Variants in ME1 observed in about 807,000 individuals in gnomAD.
The protein encoded by ME1 is NADP-dependent malic enzyme.
In ME1, 74 loss-of-function variants were observed where a neutral mutation model predicts 66.4. The ratio of observed to expected loss-of-function variants is 1.11; its 90% CI spans 0.92 to 1.35. The LOEUF (loss-of-function observed/expected upper bound fraction) is 1.35, where lower values mean the gene tolerates loss of function less well. ME1 is among the 40% of genes most tolerant of loss of function. ME1 has a pLI of 0.00. For synonymous variants in ME1, 251 were observed against 235.6 expected (o/e 1.07, Z -0.60); for missense variants, 750 against 694.1 (o/e 1.08, Z -0.90).
intron 3 of ME1, among the ~76,000 whole-genome samples, chr6:83,353,161 A>C (rs1484965566): frequency 1.3e-5 from 2 of 152,168 alleles, no homozygotes; most frequent in African/African-American, 4.8e-5. Context: ...TTTCTTCTGT[A>C]TTCTTGGAAA....
rs922635024 is a variant in ME1 at position 83,216,486 on chromosome 6, G to C, written c.1548+12C>G. 6.5e-7 allele frequency: 1 copy of C among 1,534,052 alleles called. No homozygotes were observed. The highest frequency in any genetic ancestry group is 8.9e-7 in the Non-Finnish European group (1 of 1,118,812). On this transcript the variant is annotated intron_variant, in intron 13 of 13. Transcript: ENST00000369705. ...AGGAAAAATAATGAAGCTTGAACAAGAGTGGTTTTACCTTTTCTGCAATTT... is the reference window on the plus strand; with the variant it reads ...AGGAAAAATAATGAAGCTTGAACAACAGTGGTTTTACCTTTTCTGCAATTT...
intron 3 of ME1, among the ~76,000 whole-genome samples, chr6:83,369,671 CGAAGG>C (rs1769159668): frequency 1.4e-5 from 1 of 72,302 alleles, no homozygotes; most frequent in African/African-American, 8.2e-5. Context: ...AAGGAAGGAA[CGAAGG>C]AAGGAAGGAA....
intron 6 of ME1, among the ~76,000 whole-genome samples, chr6:83,306,553 ACATAAATGTATC>A (rs1350408497): frequency 1.3e-5 from 2 of 152,118 alleles, no homozygotes; most frequent in East Asian, 1.9e-4. Context: ...ACAACCTAAA[ACATAAATGTATC>A]CATATAATTA....
intron 6 of ME1, among the ~76,000 whole-genome samples, chr6:83,283,880 T>C (rs894645947): frequency 2.0e-5 from 3 of 151,990 alleles, no homozygotes; most frequent in African/African-American, 7.2e-5. Context: ...AATAAATAAC[T>C]AAAATCAGAG....
chr6:83,339,856 A>T (rs1768540936), intron 5 of ME1, among the ~76,000 whole-genome samples: 1 of 123,978 alleles, frequency 8.1e-6, no homozygotes, highest in Non-Finnish European at 1.7e-5. Context: ...GCATTGGGAG[A>T]TATACCTAAT....
chr6:83,291,535 C>T (rs185032814), intron 6 of ME1, among the ~76,000 whole-genome samples: 42 of 152,282 alleles, frequency 2.8e-4, no homozygotes, highest in Non-Finnish European at 5.0e-4. Context: ...CAACCTTTCT[C>T]TCTCACTGCC....
chr6:83,285,234 T>C (rs192888563), intron 6 of ME1, among the ~76,000 whole-genome samples: 13 of 152,300 alleles, frequency 8.5e-5, no homozygotes, highest in African/African-American at 3.1e-4. Flanking sequence ...GGATTGGTTT[T>C]TCTCTCTTTT....
chr6:83,393,097 C>G, intron 3 of ME1: 1 of 1,448,978 alleles, frequency 6.9e-7, no homozygotes, highest in Admixed American at 1.8e-5. Flanking sequence ...ACTGGCATGG[C>G]CTTCCGTGTC....
At chr6:83,374,421 G>A (rs375368218) in intron 3 of ME1, among the ~76,000 whole-genome samples, 2 of 152,072 alleles carry the variant, frequency 1.3e-5, no homozygotes, top group Non-Finnish European at 2.9e-5. Flanking sequence ...GTCTGTTCAC[G>A]TCCTTTGCCC....
At chr6:83,262,495 C>T (rs1766917554) in intron 6 of ME1, among the ~76,000 whole-genome samples, 1 of 152,196 alleles carries the variant, frequency 6.6e-6, no homozygotes, top group Non-Finnish European at 1.5e-5. Context: ...ATGTCATTTA[C>T]TTCTGTAGTT....
At chr6:83,333,102 T>G (rs1768446560) in intron 5 of ME1, among the ~76,000 whole-genome samples, 1 of 152,172 alleles carries the variant, frequency 6.6e-6, no homozygotes, top group South Asian at 2.1e-4. Context: ...TTTTCATTAC[T>G]ATCCAGTACA....
At chr6:83,369,671 C>CGAAGGAAGGAAGGAAG (rs796598711) in intron 3 of ME1, among the ~76,000 whole-genome samples, 51 of 72,336 alleles carry the variant, frequency 7.1e-4, no homozygotes, top group African/African-American at 2.4e-3. Context: ...AAGGAAGGAA[C>CGAAGGAAGGAAGGAAG]GAAGGAAGGA....
chr6:83,331,121 TG>T (rs1205591808), intron 5 of ME1, among the ~76,000 whole-genome samples: 1 of 152,174 alleles, frequency 6.6e-6, no homozygotes, highest in Non-Finnish European at 1.5e-5. Context: ...CGTGACCTCT[TG>T]AGGACTGATC....
At chr6:83,346,065 C>A in intron 5 of ME1, 108 bp downstream of exon 5, 3 of 886,034 alleles carry the variant, frequency 3.4e-6, no homozygotes, top group South Asian at 4.8e-5. Context: ...AGAAAGAGAA[C>A]CAGACAAAAA....
chr6:83,316,631 T>C (rs1469324468), intron 5 of ME1, among the ~76,000 whole-genome samples: 1 of 152,006 alleles, frequency 6.6e-6, no homozygotes. Context: ...AGCAAAACTT[T>C]TTTATTTGTA....
At chr6:83,358,307 T>C (rs1768938154) in intron 3 of ME1, among the ~76,000 whole-genome samples, 1 of 152,144 alleles carries the variant, frequency 6.6e-6, no homozygotes, top group South Asian at 2.1e-4. Context: ...CTATACCTAA[T>C]ATCTTTGAGC....
At chr6:83,386,013 A>G (rs1428134081) in intron 3 of ME1, among the ~76,000 whole-genome samples, 1 of 151,926 alleles carries the variant, frequency 6.6e-6, no homozygotes, top group African/African-American at 2.4e-5. Flanking sequence ...CAGACATTCC[A>G]TCTGACTTGT....
intron 5 of ME1, among the ~76,000 whole-genome samples, chr6:83,332,820 G>A (rs1220682914): frequency 6.6e-6 from 1 of 152,114 alleles, no homozygotes; most frequent in African/African-American, 2.4e-5. Flanking sequence ...TTTTTCAGGT[G>A]ATGGGTACAC....
At chr6:83,228,795 T>A (rs770605201) in intron 10 of ME1, 31 bp downstream of exon 10, 13 of 1,381,024 alleles carry the variant, frequency 9.4e-6, no homozygotes, top group Non-Finnish European at 1.1e-5. Flanking sequence ...AAATAAGGGG[T>A]AGGGGAGAAG....
Sources: allele counts gnomAD v4.1 joint callset (sites outside exome capture counted in the v4.1 genomes callset), GRCh38; gene constraint gnomAD v4.1.1; transcripts MANE v1.5; gene names NCBI Gene and HGNC (gene_info 2026-07-23, HGNC 2026-07-21).